MAGI2: variants seen among roughly 807,000 people sequenced by gnomAD.
MAGI2 encodes the protein membrane-associated guanylate kinase, WW and PDZ domain-containing protein 2.
In MAGI2, 35 loss-of-function variants were observed where a neutral mutation model predicts 133.3. The observed-to-expected ratio is 0.26, with a 90% confidence interval of 0.20 to 0.35. MAGI2 has a LOEUF of 0.35. Among genes scored for constraint, MAGI2 ranks in the 10% least tolerant of loss-of-function variants. The pLI is 1.00. For synonymous variants in MAGI2, 729 were observed against 710.6 expected (o/e 1.03, Z -0.41); for missense variants, 1,636 against 1,863.4 (o/e 0.88, Z 2.25).
rs545182783 is a variant in MAGI2 at position 78,576,621 on chromosome 7, C to T, written c.538+50499G>A. Among the ~76,000 whole-genome samples, 6 of 152,252 alleles carry T rather than the reference C, an allele frequency of 3.9e-5. No individual in the cohort carries two copies. In the East Asian group the frequency reaches 9.7e-4, roughly 25 times the overall value. On this transcript the variant is annotated intron_variant, in intron 3 of 21. Coordinates refer to ENST00000354212, the MANE Select transcript of MAGI2 (RefSeq NM_012301.4). The stretch of plus-strand genomic sequence containing the variant: ...AGGAAGGAATGTTACACATAGACAC[C>T]AAGGAAAATCTGAACAGACAGGCCT...
At chr7:78,109,677 T>C (rs17593991) in intron 20 of MAGI2, among the ~76,000 whole-genome samples, 24,724 of 152,084 alleles carry the variant, frequency 0.16, 2,224 homozygotes, top group South Asian at 0.25. Flanking sequence ...TTAGATCTTA[T>C]CCTGCAAGCA....
chr7:78,147,527 A>C (rs918265060), intron 16 of MAGI2, among the ~76,000 whole-genome samples: 2 of 152,192 alleles, frequency 1.3e-5, no homozygotes, highest in Admixed American at 6.5e-5. Flanking sequence ...TCACAAAATG[A>C]CTTTTATTAT....
intron 2 of MAGI2, among the ~76,000 whole-genome samples, chr7:78,697,491 T>G (rs1817640633): frequency 6.6e-6 from 1 of 152,234 alleles, no homozygotes; most frequent in Admixed American, 6.5e-5. Context: ...AAGCTTTGGC[T>G]TTCTCATCTT....
intron 2 of MAGI2, among the ~76,000 whole-genome samples, chr7:78,760,585 C>T (rs1170287321): frequency 6.6e-6 from 1 of 152,002 alleles, no homozygotes; most frequent in Non-Finnish European, 1.5e-5. Flanking sequence ...AACGAAGTAA[C>T]CCCCTTTCCT....
At chr7:78,091,399 T>G (rs1817196259) in intron 20 of MAGI2, among the ~76,000 whole-genome samples, 1 of 152,160 alleles carries the variant, frequency 6.6e-6, no homozygotes. Flanking sequence ...TGCCTTGATC[T>G]TGGACTTCCC....
intron 1 of MAGI2, among the ~76,000 whole-genome samples, chr7:79,008,077 A>G (rs890118357): frequency 6.6e-6 from 1 of 152,096 alleles, no homozygotes; most frequent in African/African-American, 2.4e-5. Flanking sequence ...CTATTTCCAT[A>G]CTGGAAAGAA....
At chr7:79,218,839 T>C (rs971744264) in intron 1 of MAGI2, among the ~76,000 whole-genome samples, 2 of 152,160 alleles carry the variant, frequency 1.3e-5, no homozygotes, top group East Asian at 1.9e-4. Context: ...TTCCTATGTA[T>C]GTACAGCATG....
intron 1 of MAGI2, among the ~76,000 whole-genome samples, chr7:79,280,981 TGCCTGCAGAATGAATTTTCCAAGGGA>T (rs1456382803): frequency 7.1e-6 from 1 of 141,102 alleles, no homozygotes; most frequent in Non-Finnish European, 1.5e-5. Flanking sequence ...ATATAAGGTT[TGCCTGCAGAATGAATTTTCCAAGGGA>T]GCATAACCTA....
rs1341709235 is a variant in MAGI2, at chr7:79,155,231, G to T, written c.302-148025C>A. 2.6e-5 allele frequency among the ~76,000 whole-genome samples: 4 copies of T among 151,970 alleles called. No individual in the cohort carries two copies. The East Asian group carries it at 7.7e-4, about 29-fold the overall frequency. On this transcript the variant is annotated intron_variant, in intron 1 of 21. Transcript: ENST00000354212. ...TACAGGTGTAGCTTTTAATTGAGATGATCAATGTTTTAAAGTCATGAATAA... is the reference window on the plus strand; with the variant it reads ...TACAGGTGTAGCTTTTAATTGAGATTATCAATGTTTTAAAGTCATGAATAA...
At chr7:79,251,677 G>C (rs139789551) in intron 1 of MAGI2, among the ~76,000 whole-genome samples, 1 of 152,104 alleles carries the variant, frequency 6.6e-6, no homozygotes, top group Non-Finnish European at 1.5e-5. Context: ...ATAGTTTGGA[G>C]GTTCATCAAA....
chr7:78,583,185 C>T (rs2150816304), intron 3 of MAGI2, among the ~76,000 whole-genome samples: 1 of 152,232 alleles, frequency 6.6e-6, no homozygotes, highest in African/African-American at 2.4e-5. Flanking sequence ...TGAGCCTTGA[C>T]AGAGTAAACA....
chr7:79,051,375 CT>C (rs1812652882), intron 1 of MAGI2, among the ~76,000 whole-genome samples: 1 of 152,168 alleles, frequency 6.6e-6, no homozygotes, highest in South Asian at 2.1e-4. Flanking sequence ...TACTGATGTG[CT>C]CCTGGTGGCC....
Position 78,501,803 on chromosome 7 carries a change from A to T in MAGI2, c.755-16T>A. The stretch of plus-strand genomic sequence containing the variant: ...TCACTGGATTCTATAAGAGAACAAG[A>T]GCACGTGGTTAGTCACTCCAACCAT... On this transcript the variant is annotated splice_polypyrimidine_tract_variant and intron_variant, in intron 4 of 21. Transcript: ENST00000354212. 6.2e-7 allele frequency: 1 copy of T among 1,606,492 alleles called. No homozygotes were observed.
At chr7:79,128,004 A>T (rs1820583638) in intron 1 of MAGI2, among the ~76,000 whole-genome samples, 1 of 152,166 alleles carries the variant, frequency 6.6e-6, no homozygotes, top group Admixed American at 6.5e-5. Context: ...ATCCAGTTTC[A>T]GCTTTCTACA....
intron 6 of MAGI2, among the ~76,000 whole-genome samples, chr7:78,382,646 C>A (rs62461544): frequency 6.6e-6 from 1 of 151,996 alleles, no homozygotes; most frequent in Non-Finnish European, 1.5e-5. Context: ...GTCTACCACC[C>A]TAGTACAATA....
chr7:78,725,954 T>C (rs776309313), intron 2 of MAGI2, among the ~76,000 whole-genome samples: 8 of 152,228 alleles, frequency 5.3e-5, no homozygotes, highest in Admixed American at 1.3e-4. Flanking sequence ...TTTGTCATTG[T>C]CTTTATATGT....
chr7:79,449,877 C>CATAT (rs59881896), intron 1 of MAGI2, among the ~76,000 whole-genome samples: 2,877 of 120,612 alleles, frequency 0.024, 135 homozygotes, highest in African/African-American at 0.076. Context: ...GAGATATATA[C>CATAT]ATATATATAT....
rs181273813 is a variant in MAGI2 at position 78,868,700 on chromosome 7, G to A, written c.418+138390C>T. Among the ~76,000 whole-genome samples the A allele has an allele frequency of 7.9e-5, 12 of 152,178 alleles. No individual in the cohort carries two copies. In the East Asian group the frequency reaches 1.9e-3, roughly 25 times the overall value. On this transcript the variant is annotated intron_variant, in intron 2 of 21. Coordinates refer to ENST00000354212, the MANE Select transcript of MAGI2 (RefSeq NM_012301.4). ...AAATATATTGTCTAACTAGAACAAA[G>A]TTCTGGTTGATTTCACATTTTCCTG...
Position 78,019,550 on chromosome 7 carries a change from C to T in MAGI2, c.4133G>A (p.Cys1378Tyr). The change falls in exon 22 of 22, where the codon TGC (cysteine) becomes TAC (tyrosine). Residue 1378 changes from cysteine to tyrosine, a missense_variant. Cys to Tyr is a radical substitution (Grantham distance 194). Around this residue, in one of 5 missense-constraint regions of MAGI2, gnomAD observed 354 missense variants for 298.7 expected, o/e 1.19. Coordinates refer to ENST00000354212, the MANE Select transcript of MAGI2 (RefSeq NM_012301.4). ...APRAAAGSEL[C>Y]RREGPGAAPA... ...CGCAGCCCCCGGGCCTTCGCGCCGGCAGAGCTCGGAGCCCGCCGCCGCACG... is the reference window on the plus strand; with the variant it reads ...CGCAGCCCCCGGGCCTTCGCGCCGGTAGAGCTCGGAGCCCGCCGCCGCACG... The T allele has an allele frequency of 2.0e-6, 2 of 980,578 alleles. No individual in the cohort carries two copies. Among genetic ancestry groups the T allele is most frequent in the South Asian group, 4.5e-5 (1 of 22,086 alleles). The allele number at this position is 980,578 out of a possible 1,614,324, so 60.7% of individuals were successfully genotyped here.
Sources: gnomAD v4.1 joint callset for allele counts (sites outside exome capture counted in the v4.1 genomes callset) on GRCh38, gnomAD v4.1.1 for gene constraint, gnomAD v4.1.1 regional missense constraint, MANE v1.5 for transcripts, NCBI Gene and HGNC (gene_info 2026-07-23, HGNC 2026-07-21) for gene names.